USP47: variants seen among roughly 807,000 people sequenced by gnomAD.
USP47 encodes the protein ubiquitin specific peptidase 47.
Under a neutral mutation model 165.1 loss-of-function variants are expected in USP47, and 35 were observed. The observed-to-expected ratio is 0.21, with a 90% confidence interval of 0.16 to 0.28. The LOEUF is 0.28. Among genes scored for constraint, USP47 ranks in the 10% least tolerant of loss-of-function variants. The pLI, the probability that USP47 is intolerant of heterozygous loss-of-function variation, is 1.00. For synonymous variants in USP47, 531 were observed against 544.5 expected (o/e 0.98, Z 0.35); for missense variants, 1,277 against 1,607.4 (o/e 0.79, Z 3.52).
At chr11:11,907,811 G>A (rs887325034) in intron 8 of USP47, among the ~76,000 whole-genome samples, 3 of 152,084 alleles carry the variant, frequency 2.0e-5, no homozygotes, top group East Asian at 1.9e-4. Context: ...AGATATAGAC[G>A]TAGGCTGGGC....
In USP47 at chr11:11,942,407, G is replaced by C. The variant is rs2134785019; in HGVS notation, c.2386G>C (p.Asp796His). Reference protein sequence around the residue: ...FADSHLWKLLDRHANTIRLFV... With the variant: ...FADSHLWKLLHRHANTIRLFV... The stretch of plus-strand genomic sequence containing the variant: ...AGACTCTCATTTATGGAAACTCCTG[G>C]ATCGGCATGCAAATACAATCAGATT... The change falls in exon 20 of 28, where the codon GAT becomes CAT. Residue 796 changes from aspartate (D) to histidine (H), a missense_variant. This residue lies in a region of USP47 where 909 missense variants were observed against 1,068.1 expected (regional missense o/e 0.85). Transcript: ENST00000527733. 6.2e-7 allele frequency: 1 copy of C among 1,613,384 alleles called. No individual in the cohort carries two copies. The highest frequency in any genetic ancestry group is 1.1e-5 in the South Asian group (1 of 91,024).
At chr11:11,897,741 A>G (rs746280027) in intron 5 of USP47, 48 bp downstream of exon 5, 8 of 1,332,558 alleles carry the variant, frequency 6.0e-6, no homozygotes, top group Non-Finnish European at 8.4e-6. Flanking sequence ...TAAGAATGAA[A>G]ATATCACTTT....
chr11:11,891,793 G>A (rs536387876), intron 3 of USP47, among the ~76,000 whole-genome samples, 175 bp from the exon 4 acceptor site: 1 of 152,320 alleles, frequency 6.6e-6, no homozygotes, highest in South Asian at 2.1e-4. Flanking sequence ...CTTCTCTCAT[G>A]TAAACAGAAA....
chr11:11,873,522 A>G (rs1020520671), intron 1 of USP47, among the ~76,000 whole-genome samples: 2 of 152,124 alleles, frequency 1.3e-5, no homozygotes, highest in Non-Finnish European at 2.9e-5. Flanking sequence ...ACAAAATATT[A>G]TGTGACTTAC....
chr11:11,893,587 C>T (rs115344649), intron 4 of USP47, among the ~76,000 whole-genome samples: 2 of 152,190 alleles, frequency 1.3e-5, no homozygotes, highest in South Asian at 2.1e-4. Context: ...CAGGTGTGCA[C>T]CACAATGCCT....
At chr11:11,919,688 C>T (rs1011253538) in intron 8 of USP47, among the ~76,000 whole-genome samples, 14 of 151,784 alleles carry the variant, frequency 9.2e-5, no homozygotes, top group African/African-American at 3.1e-4. Context: ...CTAACTATGG[C>T]GATTAAGGAT....
rs11291092 is a variant in USP47 at position 11,850,476 on chromosome 11, G to GT, written c.39+8266dup. On this transcript the variant is annotated intron_variant, in intron 1 of 27. Transcript: ENST00000527733. ...TTATCTCTCTTAGGAAATATTGGTAGTTTTTTTTTTTTTTGTCTGCATATT... is the reference window on the plus strand; with the variant it reads ...TTATCTCTCTTAGGAAATATTGGTAGTTTTTTTTTTTTTTTGTCTGCATATT... Among the ~76,000 whole-genome samples, 859 of 132,896 alleles carry GT rather than the reference G, an allele frequency of 6.5e-3. 3 individuals carry two copies. The highest frequency in any genetic ancestry group is 8.5e-3 in the Non-Finnish European group (531 of 62,238). The allele number at this position is 132,896 out of a possible 152,430, so 87.2% of individuals were successfully genotyped here.
intron 1 of USP47, among the ~76,000 whole-genome samples, chr11:11,850,364 T>TAA (rs1848656264): frequency 6.6e-6 from 1 of 151,702 alleles, no homozygotes; most frequent in Admixed American, 6.6e-5. Flanking sequence ...GTTTTTCTAC[T>TAA]AAGTTCTTAT....
chr11:11,956,211 G>C lies in USP47; in HGVS notation c.*36G>C, dbSNP rs778356282. ...GTAGCATTTTCCCTGGGGGAGTTTT[G>C]GTTTTAATTAGATGGTTCACTACCA... On this transcript the variant is annotated 3_prime_UTR_variant, in exon 28 of 28. Transcript: ENST00000527733. The C allele has an allele frequency of 4.3e-6, 7 of 1,609,540 alleles. No individual in the cohort carries two copies. The East Asian group carries it at 1.6e-4, about 36-fold the overall frequency.
At chr11:11,873,050 G>C (rs917868587) in intron 1 of USP47, among the ~76,000 whole-genome samples, 1 of 152,130 alleles carries the variant, frequency 6.6e-6, no homozygotes, top group East Asian at 1.9e-4. Context: ...TATTATATGT[G>C]CATAGACTGG....
chr11:11,959,142 T>C lies in USP47; in HGVS notation c.*2967T>C, dbSNP rs1847344661. 1 of 152,202 alleles carries C rather than the reference T, an allele frequency of 6.6e-6. No individual in the cohort carries two copies. The highest frequency in any genetic ancestry group is 2.4e-5 in the African/African-American group (1 of 41,458). The allele number at this position is 152,202 out of a possible 1,614,324, so 9.4% of individuals were successfully genotyped here. ...AATGTATGGAATACAATAAAGTCTTTTATTCTGGTTCATTTGCTAGTACTT... is the reference window on the plus strand; with the variant it reads ...AATGTATGGAATACAATAAAGTCTTCTATTCTGGTTCATTTGCTAGTACTT... On this transcript the variant is annotated 3_prime_UTR_variant, in exon 28 of 28. Transcript: ENST00000527733.
chr11:11,883,444 T>G lies in USP47; in HGVS notation c.244-1023T>G, dbSNP rs189187547. Among the ~76,000 whole-genome samples the G allele has an allele frequency of 3.9e-5, 6 of 152,304 alleles. 1 individual carries two copies. Among genetic ancestry groups the G allele is most frequent in the Middle Eastern group, 6.8e-3 (2 of 294 alleles). ...GAGTCATGGGGAAGTGAAATAACTT[T>G]CCAAAGTCACACAGATAGTAAGTAG... On this transcript the variant is annotated intron_variant, in intron 2 of 27. Transcript: ENST00000527733.
At chr11:11,922,966 T>A (rs1853947422) in intron 11 of USP47, 75 bp downstream of exon 11, 1 of 1,361,562 alleles carries the variant, frequency 7.3e-7, no homozygotes, top group Non-Finnish European at 1.0e-6. Flanking sequence ...CTATAGCTGT[T>A]GTGACTGATA....
At chr11:11,931,338 T>C (rs1854652073) in intron 14 of USP47, among the ~76,000 whole-genome samples, 1 of 152,160 alleles carries the variant, frequency 6.6e-6, no homozygotes, top group Non-Finnish European at 1.5e-5. Flanking sequence ...GCTTAGGACT[T>C]ACTCATCTTT....
chr11:11,934,052 G>T, intron 16 of USP47, 117 bp downstream of exon 16: 1 of 722,216 alleles, frequency 1.4e-6, no homozygotes, highest in South Asian at 1.7e-5. Flanking sequence ...TTGGTAACTG[G>T]TTAATTTATC....
chr11:11,954,108 A>T (rs958660256), intron 25 of USP47, among the ~76,000 whole-genome samples: 1 of 152,092 alleles, frequency 6.6e-6, no homozygotes, highest in Admixed American at 6.5e-5. Flanking sequence ...AAATTAGCCA[A>T]GTGTGGTGGT....
At chr11:11,883,843 A>T (rs940496836) in intron 2 of USP47, among the ~76,000 whole-genome samples, 9 of 152,162 alleles carry the variant, frequency 5.9e-5, no homozygotes, top group African/African-American at 1.4e-4. Context: ...GATCACAGTC[A>T]CTTCCATACC....
At chr11:11,900,577 A>G (rs1435119257) in intron 5 of USP47, among the ~76,000 whole-genome samples, 1 of 152,202 alleles carries the variant, frequency 6.6e-6, no homozygotes, top group Non-Finnish European at 1.5e-5. Flanking sequence ...AGTGTACAGG[A>G]TTGATTTGAA....
chr11:11,906,438 A>T lies in USP47; in HGVS notation c.969+890A>T, dbSNP rs551130855. Among the ~76,000 whole-genome samples, 15 of 152,298 alleles carry T rather than the reference A, an allele frequency of 9.8e-5. No individual in the cohort carries two copies. In the South Asian group the frequency reaches 3.1e-3, roughly 32 times the overall value. Reference sequence around the variant, plus strand: ...TTTTAAAAGCTTTTCTATACTTCTAAGATAGTGCTACAAGTATGGTTTAGT... The same window carrying T: ...TTTTAAAAGCTTTTCTATACTTCTATGATAGTGCTACAAGTATGGTTTAGT... On this transcript the variant is annotated intron_variant, in intron 8 of 27. Coordinates refer to ENST00000527733, the MANE Select transcript of USP47 (RefSeq NM_001282659.2).
Sources: allele counts gnomAD v4.1 joint callset (sites outside exome capture counted in the v4.1 genomes callset), GRCh38; gene constraint gnomAD v4.1.1; regional missense constraint gnomAD v4.1.1; transcripts MANE v1.5; gene names NCBI Gene and HGNC (gene_info 2026-07-23, HGNC 2026-07-21).